Variants in NCK2 observed in about 807,000 individuals in gnomAD.
NCK2 encodes the protein NCK adaptor protein 2, also known as cytoplasmic protein NCK2.
Under a neutral mutation model 33.9 loss-of-function variants are expected in NCK2, and 16 were observed. The observed-to-expected ratio is 0.47, with a 90% confidence interval of 0.32 to 0.72. The LOEUF (loss-of-function observed/expected upper bound fraction) is 0.72. NCK2 is among the 30% of genes least tolerant of loss of function. The probability of loss-of-function intolerance (pLI) is 0.03; values close to 1 mark genes in which losing one functional copy is unlikely to be tolerated. For synonymous variants in NCK2, 273 were observed against 239.9 expected (o/e 1.14, Z -1.27); for missense variants, 418 against 537.3 (o/e 0.78, Z 2.19).
In NCK2 at chr2:105,881,626, G is replaced by T; in HGVS notation, c.525G>T (p.Glu175Asp). ...AGGAGGTGGACGAGGCGGCTGCGGA[G>T]TCCCCAAGCTTCCTGAGCCTGCGCA... ...VLEEVDEAAA[E>D]SPSFLSLRKG... Residue 175 changes from glutamate to aspartate, a missense_variant, in exon 4 of 5, where the codon GAG (glutamate) becomes GAT (aspartate). Coordinates refer to ENST00000233154, the MANE Select transcript of NCK2 (RefSeq NM_003581.5). 10 of 1,613,702 alleles carry T rather than the reference G, an allele frequency of 6.2e-6. No homozygotes were observed. Among genetic ancestry groups the T allele is most frequent in the Non-Finnish European group, 8.5e-6 (10 of 1,179,904 alleles).
In NCK2 at chr2:105,879,006, A is replaced by G. The variant is rs137953799; in HGVS notation, c.227-2322A>G. On this transcript the variant is annotated intron_variant, in intron 3 of 4. Transcript: ENST00000233154. ...TATTTTGTTTTTGAAAGAAGTCACT[A>G]AAGTAGAATATTCGTCTATCAGTTA... 2.4e-3 allele frequency among the ~76,000 whole-genome samples: 361 copies of G among 152,302 alleles called. 1 individual carries two copies. Among genetic ancestry groups the G allele is most frequent in the African/African-American group, 7.7e-3 (318 of 41,562 alleles).
At chr2:105,763,505 AGTT>A (rs1400314054) in intron 1 of NCK2, among the ~76,000 whole-genome samples, 7 of 152,342 alleles carry the variant, frequency 4.6e-5, no homozygotes, top group African/African-American at 1.4e-4. Context: ...ATAAAAGCCT[AGTT>A]GTTGTTTTTA....
At chr2:105,878,560 C>T (rs1205407835) in intron 3 of NCK2, among the ~76,000 whole-genome samples, 4 of 152,238 alleles carry the variant, frequency 2.6e-5, no homozygotes, top group African/African-American at 9.6e-5. Flanking sequence ...ACCCTGCCCA[C>T]ACCTTGATTT....
chr2:105,745,289 C>G (rs1425453009), intron 1 of NCK2, among the ~76,000 whole-genome samples, 151 bp downstream of exon 1: 2 of 151,618 alleles, frequency 1.3e-5, no homozygotes, highest in African/African-American at 4.8e-5. Context: ...GCTCTCGGCC[C>G]TGCCGCGGCC....
At chr2:105,788,244 G>C (rs1690750686) in intron 1 of NCK2, among the ~76,000 whole-genome samples, 1 of 152,128 alleles carries the variant, frequency 6.6e-6, no homozygotes, top group African/African-American at 2.4e-5. Flanking sequence ...GCTGTCTTTT[G>C]CTTAAAGGAT....
intron 4 of NCK2, 68 bp downstream of exon 4, chr2:105,882,117 C>CCG: frequency 7.1e-7 from 1 of 1,410,556 alleles, no homozygotes; most frequent in Non-Finnish European, 9.2e-7. Context: ...GGTCTGTGTG[C>CCG]CGCGCCCTTT....
At chr2:105,808,949 A>G (rs1271855081) in intron 1 of NCK2, among the ~76,000 whole-genome samples, 1 of 152,218 alleles carries the variant, frequency 6.6e-6, no homozygotes, top group South Asian at 2.1e-4. Flanking sequence ...GTGTGACTGC[A>G]TGTACAATTG....
rs542433104 is a variant in NCK2 at position 105,892,024 on chromosome 2, A to T, written c.949-958A>T. Among the ~76,000 whole-genome samples, 31 of 152,234 alleles carry T rather than the reference A, an allele frequency of 2.0e-4. No individual in the cohort carries two copies. In the Middle Eastern group the frequency reaches 0.014, roughly 67 times the overall value. ...CGACCGGAATTTTCCACTGCTGTTCATATTTTTAAATGCTTAGAATTAGAA... is the reference window on the plus strand; with the variant it reads ...CGACCGGAATTTTCCACTGCTGTTCTTATTTTTAAATGCTTAGAATTAGAA... On this transcript the variant is annotated intron_variant, in intron 4 of 4. Transcript: ENST00000233154.
intron 1 of NCK2, among the ~76,000 whole-genome samples, chr2:105,778,220 C>T (rs2104395551): frequency 6.6e-6 from 1 of 152,334 alleles, no homozygotes; most frequent in East Asian, 1.9e-4. Context: ...CCTCTCAGCT[C>T]TATCCCTCTG....
intron 1 of NCK2, among the ~76,000 whole-genome samples, chr2:105,787,654 C>T (rs1690727461): frequency 6.6e-6 from 1 of 152,164 alleles, no homozygotes; most frequent in Non-Finnish European, 1.5e-5. Context: ...CTACCTCAGT[C>T]TCTCCCTGCG....
chr2:105,763,574 A>AAAAATGT, intron 1 of NCK2, among the ~76,000 whole-genome samples: 1 of 147,374 alleles, frequency 6.8e-6, no homozygotes, highest in Admixed American at 6.9e-5. Flanking sequence ...GTTAGTTGAA[A>AAAAATGT]AAAATGTAAA....
chr2:105,833,081 T>C (rs1278818333), intron 2 of NCK2, among the ~76,000 whole-genome samples: 1 of 151,522 alleles, frequency 6.6e-6, no homozygotes, highest in Admixed American at 6.6e-5. Flanking sequence ...TCCCCTCTTT[T>C]TTCTTTTCTT....
At chr2:105,812,469 G>C (rs1360976373) in intron 1 of NCK2, among the ~76,000 whole-genome samples, 1 of 152,170 alleles carries the variant, frequency 6.6e-6, no homozygotes, top group African/African-American at 2.4e-5. Context: ...AGCTCTGCCA[G>C]AATTCCCTCA....
intron 4 of NCK2, among the ~76,000 whole-genome samples, chr2:105,883,656 A>G (rs1029240287): frequency 6.6e-6 from 1 of 152,186 alleles, no homozygotes; most frequent in African/African-American, 2.4e-5. Context: ...GTCTGAATTC[A>G]GGGACCAAGT....
chr2:105,828,075 C>T (rs1676021274), intron 2 of NCK2, among the ~76,000 whole-genome samples: 1 of 152,136 alleles, frequency 6.6e-6, no homozygotes, highest in African/African-American at 2.4e-5. Context: ...TGAACCTATA[C>T]TTATCTCAAA....
At chr2:105,833,200 T>A (rs1676266026) in intron 2 of NCK2, among the ~76,000 whole-genome samples, 1 of 152,024 alleles carries the variant, frequency 6.6e-6, no homozygotes, top group Admixed American at 6.6e-5. Flanking sequence ...ATTCAAACGA[T>A]TTTCCTGCCT....
intron 1 of NCK2, among the ~76,000 whole-genome samples, chr2:105,785,969 T>C (rs1441150174): frequency 6.6e-6 from 1 of 152,214 alleles, no homozygotes; most frequent in East Asian, 1.9e-4. Context: ...TAATACCTTT[T>C]GCCTGTTTTT....
intron 1 of NCK2, among the ~76,000 whole-genome samples, chr2:105,765,666 G>GTTT (rs72433026): frequency 4.1e-4 from 61 of 148,566 alleles, no homozygotes; most frequent in South Asian, 8.5e-4. Context: ...TGGGTAGTGG[G>GTTT]TTTTTTTTTT....
intron 1 of NCK2, among the ~76,000 whole-genome samples, chr2:105,814,310 A>T (rs1045892868): frequency 6.6e-6 from 1 of 152,268 alleles, no homozygotes; most frequent in Admixed American, 6.5e-5. Flanking sequence ...CAAGGAAAAC[A>T]TCGCATGCAA....
Sources: gnomAD v4.1 joint callset for allele counts (sites outside exome capture counted in the v4.1 genomes callset) on GRCh38, gnomAD v4.1.1 for gene constraint, MANE v1.5 for transcripts, NCBI Gene and HGNC (gene_info 2026-07-23, HGNC 2026-07-21) for gene names.